The following EXOC6B variants were observed in gnomAD, a reference collection of about 807,000 sequenced individuals.
EXOC6B encodes SEC15 homolog B.
EXOC6B carries 54 observed loss-of-function variants against 113.5 expected under a neutral mutation model. That is an observed-to-expected ratio of 0.48 (90% CI 0.38 to 0.60). The LOEUF is 0.60. Among genes scored for constraint, EXOC6B ranks in the 20% least tolerant of loss-of-function variants. The pLI is 0.00. For synonymous variants in EXOC6B, 357 were observed against 339.0 expected (o/e 1.05, Z -0.58); for missense variants, 797 against 977.5 (o/e 0.82, Z 2.46).
intron 8 of EXOC6B, among the ~76,000 whole-genome samples, chr2:72,556,666 T>A (rs1482951897): frequency 6.6e-6 from 1 of 152,002 alleles, no homozygotes; most frequent in African/African-American, 2.4e-5. Context: ...GAACCTAAGA[T>A]GGGTTAAGAT....
intron 19 of EXOC6B, among the ~76,000 whole-genome samples, chr2:72,368,242 G>A (rs1020117952): frequency 2.0e-5 from 3 of 152,128 alleles, no homozygotes; most frequent in Non-Finnish European, 4.4e-5. Context: ...ACACCTCTAC[G>A]CAGATAAACT....
intron 20 of EXOC6B, among the ~76,000 whole-genome samples, chr2:72,333,357 A>G (rs1042263341): frequency 1.3e-5 from 2 of 152,154 alleles, no homozygotes; most frequent in African/African-American, 4.8e-5. Context: ...ACCACAAACT[A>G]GAGAGAATAA....
intron 18 of EXOC6B, among the ~76,000 whole-genome samples, chr2:72,394,887 A>T (rs1420465015): frequency 6.6e-6 from 1 of 152,066 alleles, no homozygotes; most frequent in Non-Finnish European, 1.5e-5. Flanking sequence ...GTTTCAAGAC[A>T]CACCCTCTCA....
intron 20 of EXOC6B, among the ~76,000 whole-genome samples, chr2:72,325,936 A>G (rs976349114): frequency 1.3e-5 from 2 of 151,982 alleles, no homozygotes; most frequent in African/African-American, 4.8e-5. Context: ...GCTCCCAGGT[A>G]GTTAATTCTT....
chr2:72,438,959 G>A (rs1418350488), intron 18 of EXOC6B, among the ~76,000 whole-genome samples: 1 of 152,046 alleles, frequency 6.6e-6, no homozygotes, highest in Non-Finnish European at 1.5e-5. Context: ...AAACTATTAG[G>A]AAATAGTAAG....
intron 6 of EXOC6B, among the ~76,000 whole-genome samples, chr2:72,665,085 G>A (rs937183626): frequency 3.3e-5 from 5 of 152,168 alleles, no homozygotes; most frequent in East Asian, 1.9e-4. Flanking sequence ...GCCTCCCTCC[G>A]CAGGGCCGGT....
chr2:72,560,215 T>C lies in EXOC6B; in HGVS notation c.847-694A>G, dbSNP rs372483038. Among the ~76,000 whole-genome samples the C allele has an allele frequency of 1.1e-3, 173 of 152,062 alleles. 1 individual carries two copies. The South Asian group carries it at 0.016, about 14-fold the overall frequency. ...CTGGAGTCTAGTTTCAATGCCAAAA[T>C]TGATTTGCTATGTGATCTGACAAGA... On this transcript the variant is annotated intron_variant, in intron 7 of 21. Coordinates refer to ENST00000272427, the MANE Select transcript of EXOC6B (RefSeq NM_015189.3).
At chr2:72,388,698 A>C (rs1354613876) in intron 18 of EXOC6B, among the ~76,000 whole-genome samples, 2 of 152,140 alleles carry the variant, frequency 1.3e-5, no homozygotes, top group African/African-American at 2.4e-5. Context: ...TCATCTTTTC[A>C]GTTCTGCCAG....
At chr2:72,543,388 G>A (rs540402854) in intron 8 of EXOC6B, among the ~76,000 whole-genome samples, 1 of 149,654 alleles carries the variant, frequency 6.7e-6, no homozygotes, top group East Asian at 1.9e-4. Flanking sequence ...TTGAAAAGGA[G>A]TTATCAGATT....
chr2:72,277,845 C>T (rs1366692955), intron 20 of EXOC6B, among the ~76,000 whole-genome samples: 1 of 117,808 alleles, frequency 8.5e-6, no homozygotes, highest in Admixed American at 7.4e-5. Flanking sequence ...TAATTATACC[C>T]CATTTTTTTT....
chr2:72,473,149 CT>C (rs1476041428), intron 17 of EXOC6B, among the ~76,000 whole-genome samples: 1 of 152,058 alleles, frequency 6.6e-6, no homozygotes, highest in Non-Finnish European at 1.5e-5. Flanking sequence ...AATGTGTATT[CT>C]GTTATTGTTG....
In EXOC6B at chr2:72,217,089, G is replaced by A. The variant is rs78169765; in HGVS notation, c.2197-32902C>T. Among the ~76,000 whole-genome samples the A allele has an allele frequency of 2.8e-3, 417 of 151,018 alleles. 3 individuals carry two copies. The highest frequency in any genetic ancestry group is 9.0e-3 in the African/African-American group (370 of 41,022). On this transcript the variant is annotated intron_variant, in intron 20 of 21. Transcript: ENST00000272427. ...GGTATGAGAAGGTAGCCTGAACCAA[G>A]GTATTCTCCCCTCTCCTATTTTGTA...
Position 72,188,903 on chromosome 2 carries a change from C to A in EXOC6B, c.2197-4716G>T, listed in dbSNP as rs1398315741. ...CCCCACATGCTCCAGCACTTGAATT[C>A]TCTTTCTCTTCACACACATACACCC... On this transcript the variant is annotated intron_variant, in intron 20 of 21. Coordinates refer to ENST00000272427, the MANE Select transcript of EXOC6B (RefSeq NM_015189.3). Among the ~76,000 whole-genome samples the A allele has an allele frequency of 3.9e-5, 6 of 152,358 alleles. No individual in the cohort carries two copies. In the East Asian group the frequency reaches 5.8e-4, roughly 15 times the overall value.
At chr2:72,666,397 A>G (rs1448673231) in intron 6 of EXOC6B, among the ~76,000 whole-genome samples, 4 of 152,178 alleles carry the variant, frequency 2.6e-5, no homozygotes, top group East Asian at 1.9e-4. Flanking sequence ...GCTTGGTCAT[A>G]TGGCAAGACT....
intron 18 of EXOC6B, among the ~76,000 whole-genome samples, chr2:72,413,381 C>T (rs1056299486): frequency 2.0e-5 from 3 of 151,426 alleles, no homozygotes; most frequent in Admixed American, 2.0e-4. Context: ...TGAAATTTTG[C>T]CTTTTTTTTT....
intron 6 of EXOC6B, among the ~76,000 whole-genome samples, chr2:72,693,737 C>G (rs1454161254): frequency 6.6e-6 from 1 of 152,172 alleles, no homozygotes; most frequent in Non-Finnish European, 1.5e-5. Flanking sequence ...TTTGTAATCC[C>G]TAATCTGATA....
chr2:72,661,251 A>T (rs1674990299), intron 6 of EXOC6B, among the ~76,000 whole-genome samples: 1 of 152,176 alleles, frequency 6.6e-6, no homozygotes, highest in Non-Finnish European at 1.5e-5. Flanking sequence ...CAGAGGACAA[A>T]AAAGAAAAGC....
chr2:72,732,318 T>C (rs1680693804), intron 3 of EXOC6B, among the ~76,000 whole-genome samples: 2 of 151,890 alleles, frequency 1.3e-5, no homozygotes, highest in Admixed American at 1.3e-4. Flanking sequence ...CTGGTTATGG[T>C]TGTTTTTTTT....
intron 20 of EXOC6B, among the ~76,000 whole-genome samples, chr2:72,199,135 G>A (rs149570276): frequency 6.6e-6 from 1 of 152,310 alleles, no homozygotes; most frequent in African/African-American, 2.4e-5. Context: ...GAGCTGGCTA[G>A]TGAGTCACTG....
Sources: allele counts gnomAD v4.1 joint callset (sites outside exome capture counted in the v4.1 genomes callset), GRCh38; gene constraint gnomAD v4.1.1; transcripts MANE v1.5; gene names NCBI Gene and HGNC (gene_info 2026-07-23, HGNC 2026-07-21).